The following MSH3 variants were observed in gnomAD, a reference collection of about 807,000 sequenced individuals.
MSH3 encodes mutS homolog 3.
A neutral mutation model predicts 123.3 loss-of-function variants in MSH3; 106 were observed. The ratio of observed to expected loss-of-function variants is 0.86; its 90% CI spans 0.73 to 1.01. MSH3 has a LOEUF of 1.01. Ranked by LOEUF, MSH3 falls within the 50% of genes least tolerant of loss-of-function variation. MSH3 has a pLI of 0.00. For synonymous variants in MSH3, 515 were observed against 481.4 expected (o/e 1.07, Z -0.91); for missense variants, 1,459 against 1,347.6 (o/e 1.08, Z -1.29).
chr5:80,726,085 G>A (rs773740798), intron 9 of MSH3, among the ~76,000 whole-genome samples: 6 of 152,168 alleles, frequency 3.9e-5, no homozygotes, highest in Non-Finnish European at 7.3e-5. Context: ...CCAGAATCTA[G>A]TGACAGGTCG....
At chr5:80,656,333 A>G (rs1749282615) in intron 1 of MSH3, 78 bp from the exon 2 acceptor site, 2 of 1,578,362 alleles carry the variant, frequency 1.3e-6, no homozygotes, top group Non-Finnish European at 1.7e-6. Context: ...ATTCAGTTGT[A>G]AGGTTTAAAT....
intron 17 of MSH3, among the ~76,000 whole-genome samples, chr5:80,783,603 T>C (rs537800489): frequency 1.3e-5 from 2 of 152,308 alleles, no homozygotes; most frequent in South Asian, 4.1e-4. Flanking sequence ...AGAGCTGTGT[T>C]AACTCATTTC....
intron 19 of MSH3, among the ~76,000 whole-genome samples, chr5:80,810,337 A>G (rs1744987800): frequency 1.3e-5 from 2 of 149,746 alleles, no homozygotes; most frequent in South Asian, 2.2e-4. Context: ...CACATTAGAC[A>G]ATTAGATTAT....
rs1743598535 is a variant in MSH3 at position 80,740,745 on chromosome 5, C to T, written c.1569-719C>T. Among the ~76,000 whole-genome samples, 2 of 145,610 alleles carry T rather than the reference C, an allele frequency of 1.4e-5. 1 individual carries two copies. The highest frequency in any genetic ancestry group is 4.3e-4 in the South Asian group (2 of 4,602). On this transcript the variant is annotated intron_variant, in intron 10 of 23. Transcript: ENST00000265081. The stretch of plus-strand genomic sequence containing the variant: ...TTTTTTTTTTGCCGAGGCGTAGTCT[C>T]ACTCTGTTGCCCAGGTTGGAGTGCA...
At chr5:80,850,540 A>T (rs1009559766) in intron 20 of MSH3, among the ~76,000 whole-genome samples, 1 of 152,202 alleles carries the variant, frequency 6.6e-6, no homozygotes, top group African/African-American at 2.4e-5. Flanking sequence ...TCTTATGGGG[A>T]TGGCAGCAGG....
chr5:80,795,966 A>G (rs1744692803), intron 19 of MSH3, among the ~76,000 whole-genome samples: 1 of 151,672 alleles, frequency 6.6e-6, no homozygotes. Flanking sequence ...CCTGAGCAAC[A>G]GAGTGAGACT....
chr5:80,689,430 A>G (rs1273635450), intron 8 of MSH3, among the ~76,000 whole-genome samples: 2 of 152,076 alleles, frequency 1.3e-5, no homozygotes, highest in Non-Finnish European at 2.9e-5. Context: ...AAAAAAGTCT[A>G]TTTTAAAGGA....
At chr5:80,854,028 A>T in intron 20 of MSH3, 102 bp from the exon 21 acceptor site, 1 of 966,824 alleles carries the variant, frequency 1.0e-6, no homozygotes, top group Non-Finnish European at 1.6e-6. Context: ...CAAAATATAT[A>T]GATTCTTAGT....
At chr5:80,800,427 A>G (rs1379009486) in intron 19 of MSH3, among the ~76,000 whole-genome samples, 1 of 152,206 alleles carries the variant, frequency 6.6e-6, no homozygotes, top group African/African-American at 2.4e-5. Flanking sequence ...ATTTGGTTAG[A>G]ACATTCACTC....
At chr5:80,820,789 AT>A (rs1409165550) in intron 20 of MSH3, among the ~76,000 whole-genome samples, 1 of 152,238 alleles carries the variant, frequency 6.6e-6, no homozygotes, top group Non-Finnish European at 1.5e-5. Context: ...TAAATTATTA[AT>A]ACACAGGAAA....
chr5:80,723,651 A>G (rs1355008852), intron 8 of MSH3, among the ~76,000 whole-genome samples: 1 of 152,248 alleles, frequency 6.6e-6, no homozygotes, highest in Admixed American at 6.5e-5. Context: ...TATGGTTATG[A>G]TAAAGTACCA....
At chr5:80,806,786 G>C (rs1744898957) in intron 19 of MSH3, among the ~76,000 whole-genome samples, 2 of 152,138 alleles carry the variant, frequency 1.3e-5, no homozygotes, top group Admixed American at 1.3e-4. Flanking sequence ...GAATTGCATT[G>C]ACCCTATAGA....
At chr5:80,745,519 G>C (rs1743700190) in intron 12 of MSH3, among the ~76,000 whole-genome samples, 1 of 152,210 alleles carries the variant, frequency 6.6e-6, no homozygotes, top group Non-Finnish European at 1.5e-5. Flanking sequence ...ATAGCTGGTA[G>C]AGATAAATAT....
At chr5:80,782,980 T>C (rs1455563022) in intron 17 of MSH3, among the ~76,000 whole-genome samples, 1 of 152,244 alleles carries the variant, frequency 6.6e-6, no homozygotes, top group Non-Finnish European at 1.5e-5. Context: ...TGTCTCTCTT[T>C]TTTTTGTTCT....
At position 80,707,724 on chromosome 5, in the gene MSH3, C is replaced by T. The variant is rs1423196013; in HGVS notation, c.1341-17729C>T. On this transcript the variant is annotated intron_variant, in intron 8 of 23. Transcript: ENST00000265081. ...TCCAGCCTGGGTGACAGAACAAGAC[C>T]CTGTCTCAAAAAAACAAAACAAAAA... Among the ~76,000 whole-genome samples, 4 of 152,200 alleles carry T rather than the reference C, an allele frequency of 2.6e-5. No individual in the cohort carries two copies. The East Asian group carries it at 7.7e-4, about 29-fold the overall frequency.
intron 8 of MSH3, among the ~76,000 whole-genome samples, chr5:80,690,711 G>A (rs1580563622): frequency 6.6e-6 from 1 of 152,202 alleles, no homozygotes; most frequent in East Asian, 1.9e-4. Flanking sequence ...AACATAAACA[G>A]AAATGCAGAA....
chr5:80,792,955 T>G, intron 19 of MSH3, 111 bp downstream of exon 19: 1 of 726,094 alleles, frequency 1.4e-6, no homozygotes, highest in Non-Finnish European at 2.4e-6. Context: ...TGGCTTTAAA[T>G]GGGCTAAGCC....
chr5:80,737,247 T>C (rs966193561), intron 10 of MSH3, among the ~76,000 whole-genome samples: 5 of 152,232 alleles, frequency 3.3e-5, no homozygotes, highest in African/African-American at 1.2e-4. Flanking sequence ...GCAATAGATT[T>C]CATGTGTTAT....
intron 11 of MSH3, among the ~76,000 whole-genome samples, chr5:80,742,749 C>G (rs573979951): frequency 6.6e-6 from 1 of 152,244 alleles, no homozygotes. Flanking sequence ...CGGTCTGTCT[C>G]GTCAACTCTG....
Sources: allele counts gnomAD v4.1 joint callset (sites outside exome capture counted in the v4.1 genomes callset), GRCh38; gene constraint gnomAD v4.1.1; transcripts MANE v1.5; gene names NCBI Gene and HGNC (gene_info 2026-07-23, HGNC 2026-07-21).